ANKRD46: variants seen among roughly 807,000 people sequenced by gnomAD.
ANKRD46 encodes the protein ankyrin repeat domain-containing protein 46.
In ANKRD46, 13 loss-of-function variants were observed where a neutral mutation model predicts 19.8. That is an observed-to-expected ratio of 0.66 (90% CI 0.43 to 1.04). The LOEUF (loss-of-function observed/expected upper bound fraction) is 1.04, where lower values mean the gene tolerates loss of function less well. Among genes scored for constraint, ANKRD46 ranks in the 50% least tolerant of loss-of-function variants. The pLI is 0.00. For synonymous variants in ANKRD46, 91 were observed against 106.9 expected, an observed-to-expected ratio of 0.85 and a Z score of 0.92; for missense variants, 185 against 274.8, an observed-to-expected ratio of 0.67 and a Z score of 2.31.
In ANKRD46 at chr8:100,529,654, G is replaced by A. The variant is rs1487099366; in HGVS notation, c.180C>T (p.Ile60=). Reference sequence around the variant, plus strand: ...CACCGAATTTATGCAGTAACTGGCAGATGTCTACATTCCCTCGAGCTGCTG... The same window carrying A: ...CACCGAATTTATGCAGTAACTGGCAAATGTCTACATTCCCTCGAGCTGCTG... ...HLAAARGNVD[I]CQLLHKFGAD... is the part of the protein sequence containing the mutation. The change falls in exon 3 of 5, where the codon ATC becomes ATT. Residue 60 remains isoleucine, a synonymous_variant. Coordinates refer to ENST00000335659, the MANE Select transcript of ANKRD46 (RefSeq NM_001270377.2). This position sits in a 1 kb window ranked among gnomAD's most constrained non-coding sequence, Gnocchi z 5.8. 6 of 1,614,268 alleles carry A rather than the reference G, an allele frequency of 3.7e-6. No homozygotes were observed. The East Asian group carries it at 1.3e-4, about 36-fold the overall frequency.
intron 1 of ANKRD46, among the ~76,000 whole-genome samples, chr8:100,547,531 C>G (rs1812296924): frequency 2.0e-5 from 3 of 152,146 alleles, no homozygotes; most frequent in African/African-American, 7.2e-5. Flanking sequence ...CAGACTAATT[C>G]AAATGGCTTG....
At chr8:100,517,305 G>T (rs1325254870), downstream of ANKRD46, among the ~76,000 whole-genome samples, 2 of 152,152 alleles carry the variant, frequency 1.3e-5, no homozygotes, top group South Asian at 4.1e-4. Context: ...CAGAAATGTG[G>T]CTAATAAAGA....
chr8:100,513,700 G>A (rs1811584165), intron 5 of ANKRD46, among the ~76,000 whole-genome samples: 1 of 152,118 alleles, frequency 6.6e-6, no homozygotes, highest in Non-Finnish European at 1.5e-5. Context: ...CCCAAATCAG[G>A]GGATCTACAA....
chr8:100,551,071 A>G, intron 1 of ANKRD46: 1 of 510,834 alleles, frequency 2.0e-6, no homozygotes, highest in East Asian at 4.9e-5. Context: ...GGCCTTGCCC[A>G]CAGCCTTGGC....
rs576011301 is a variant in ANKRD46 at position 100,510,680 on chromosome 8, C to G, written c.637-41G>C. 42 of 1,265,654 alleles carry G rather than the reference C, an allele frequency of 3.3e-5. No homozygotes were observed. Among genetic ancestry groups the G allele is most frequent in the Non-Finnish European group, 4.6e-5 (42 of 906,444 alleles). 78.4% of individuals were successfully genotyped at this position (1,265,654 alleles called of 1,614,324 possible). On this transcript the variant is annotated intron_variant, in intron 5 of 5. Transcript: ENST00000520552. This position sits in a 1 kb window ranked among gnomAD's most constrained non-coding sequence, Gnocchi z 4.9. ...AGACAGATTAAAAAAAAAAAAAAAT[C>G]CCAGTTCTGTTAAGCTGCAGAGATG... is the stretch of plus-strand genomic sequence containing the variant.
At chr8:100,558,856 G>A (rs62513860) in intron 1 of ANKRD46, among the ~76,000 whole-genome samples, 7,657 of 152,108 alleles carry the variant, frequency 0.05, 300 homozygotes, top group Non-Finnish European at 0.074. Flanking sequence ...AAGGATTAAA[G>A]GTACCAGGTA....
rs958868744 is a variant in ANKRD46 at position 100,537,150 on chromosome 8, T to C, written c.-130-3839A>G. ...CTTTAAGATATAATAGTATTCTTAA[T>C]GGTTAAGGACTAATGGAGAGAATAT... On this transcript the variant is annotated intron_variant, in intron 1 of 4. Coordinates refer to ENST00000335659, the MANE Select transcript of ANKRD46 (RefSeq NM_001270377.2). This position sits in a 1 kb window ranked among gnomAD's most constrained non-coding sequence, Gnocchi z 4.2. Among the ~76,000 whole-genome samples the C allele has an allele frequency of 2.6e-5, 4 of 152,330 alleles. No homozygotes were observed. In the South Asian group the frequency reaches 6.2e-4, roughly 24 times the overall value.
chr8:100,514,800 CG>C (rs918866956), intron 5 of ANKRD46, among the ~76,000 whole-genome samples: 11 of 151,710 alleles, frequency 7.3e-5, no homozygotes, highest in African/African-American at 2.7e-4. Context: ...CCACCACACC[CG>C]GCTAATTTTT....
downstream of ANKRD46, among the ~76,000 whole-genome samples, chr8:100,517,861 A>G (rs916824841): frequency 2.0e-5 from 3 of 152,294 alleles, no homozygotes; most frequent in Admixed American, 1.3e-4. Context: ...CCTGGTGTTC[A>G]CTCCAAGATA....
At chr8:100,540,079 A>G (rs1812146009) in intron 1 of ANKRD46, among the ~76,000 whole-genome samples, 1 of 152,220 alleles carries the variant, frequency 6.6e-6, no homozygotes. Context: ...AGTATTCTAC[A>G]TTTATTAAGT....
At chr8:100,556,731 T>C (rs1013815366) in intron 1 of ANKRD46, 1 of 152,212 alleles carries the variant, frequency 6.6e-6, no homozygotes, top group African/African-American at 2.4e-5. Flanking sequence ...CATCTCCTAG[T>C]CTTCATCTTA....
In ANKRD46 at chr8:100,524,347, T is replaced by C. The variant is rs1273255103; in HGVS notation, c.471-1576A>G. Among the ~76,000 whole-genome samples the C allele has an allele frequency of 6.6e-6, 1 of 152,240 alleles. No individual in the cohort carries two copies. The highest frequency in any genetic ancestry group is 1.5e-5 in the Non-Finnish European group (1 of 68,034). On this transcript the variant is annotated intron_variant, in intron 4 of 4. Coordinates refer to ENST00000335659, the MANE Select transcript of ANKRD46 (RefSeq NM_001270377.2). This position sits in a 1 kb window ranked among gnomAD's most constrained non-coding sequence, Gnocchi z 4.3. ...TTAGAGTCTCATTCATTATGAACTA[T>C]GAATAAACATGCAAAACTGACATTT...
At position 100,510,584 on chromosome 8, in the gene ANKRD46, G is replaced by T. The variant is rs1327205134; in HGVS notation, c.692C>A (p.Ala231Asp). ...AGGACACTGACCTAGAGATTAGATG[G>T]CCTGGATTCGGCTTCTGTCTTGCCT... The change falls in exon 6 of 6, where the codon GCC becomes GAC. Residue 231 changes from alanine to aspartate, a missense_variant. Physicochemically the swap from Ala to Asp is moderately radical, Grantham distance 126 (BLOSUM62 -2). Transcript: ENST00000520552. The surrounding 1 kb of genome is among the most constrained non-coding windows in gnomAD (Gnocchi z 4.9). 4 of 1,535,556 alleles carry T rather than the reference G, an allele frequency of 2.6e-6. No individual in the cohort carries two copies. The highest frequency in any genetic ancestry group is 2.4e-5 in the South Asian group (2 of 84,018).
chr8:100,515,696 G>A (rs1811619672), intron 5 of ANKRD46, among the ~76,000 whole-genome samples: 1 of 151,710 alleles, frequency 6.6e-6, no homozygotes, highest in African/African-American at 2.4e-5. Context: ...GTGAGGGAGG[G>A]GCAGTATGGA....
chr8:100,539,923 TATA>T (rs1812141854), intron 1 of ANKRD46, among the ~76,000 whole-genome samples: 1 of 152,214 alleles, frequency 6.6e-6, no homozygotes. Flanking sequence ...GTTAAGTTCA[TATA>T]ATAATTAAAA....
intron 1 of ANKRD46, chr8:100,551,042 T>G (rs1467695792): frequency 2.0e-6 from 1 of 512,436 alleles, no homozygotes; most frequent in East Asian, 4.9e-5. Flanking sequence ...CTAGTGAGCT[T>G]CCTGTTCAGC....
In ANKRD46 at chr8:100,559,382, C is replaced by T. The variant is rs1812567424; in HGVS notation, c.-131+329G>A. 1 of 150,142 alleles carries T rather than the reference C, an allele frequency of 6.7e-6. No individual in the cohort carries two copies. The highest frequency in any genetic ancestry group is 2.5e-5 in the African/African-American group (1 of 39,340). 9.3% of individuals were successfully genotyped at this position (150,142 alleles called of 1,614,324 possible). Reference sequence around the variant, plus strand: ...GGACCTGCGGCGTGGCTTCCGCGCTCCACCCCCCGATTAACCGCGAGCCAG... The same window carrying T: ...GGACCTGCGGCGTGGCTTCCGCGCTTCACCCCCCGATTAACCGCGAGCCAG... On this transcript the variant is annotated intron_variant, in intron 1 of 4. Coordinates refer to ENST00000335659, the MANE Select transcript of ANKRD46 (RefSeq NM_001270377.2). This position sits in a 1 kb window ranked among gnomAD's most constrained non-coding sequence, Gnocchi z 6.0.
At chr8:100,519,359 A>G (rs1404466322), downstream of ANKRD46, among the ~76,000 whole-genome samples, 1 of 152,232 alleles carries the variant, frequency 6.6e-6, no homozygotes, top group Non-Finnish European at 1.5e-5. Flanking sequence ...TTCTGTACTC[A>G]TTGCAGAACC....
At chr8:100,530,797 T>G (rs780869485) in intron 2 of ANKRD46, among the ~76,000 whole-genome samples, 1 of 152,220 alleles carries the variant, frequency 6.6e-6, no homozygotes, top group Non-Finnish European at 1.5e-5. Context: ...TATTCTGCTG[T>G]GCTCTGTGGT....
Sources: gnomAD v4.1 joint callset for allele counts (sites outside exome capture counted in the v4.1 genomes callset) on GRCh38, gnomAD v4.1.1 for gene constraint, Gnocchi (gnomAD v3.1) non-coding constraint, MANE v1.5 for transcripts, NCBI Gene and HGNC (gene_info 2026-07-23, HGNC 2026-07-21) for gene names.